The following LTF variants were observed in gnomAD, a reference collection of about 807,000 sequenced individuals.
LTF encodes the protein epididymis luminal protein 110.
Under a neutral mutation model 87.2 loss-of-function variants are expected in LTF, and 91 were observed. That is an observed-to-expected ratio of 1.04 (90% CI 0.88 to 1.24). The LOEUF is 1.24. LTF is among the 50% of genes most tolerant of loss of function. The probability of loss-of-function intolerance (pLI) is 0.00; values close to 1 mark genes in which losing one functional copy is unlikely to be tolerated. For missense variants in LTF, 901 were observed against 904.3 expected (o/e 1.00, Z 0.05); for synonymous variants, 378 against 356.1 (o/e 1.06, Z -0.69).
intron 1 of LTF, among the ~76,000 whole-genome samples, chr3:46,471,784 A>C (rs1703289913): frequency 6.6e-6 from 1 of 152,176 alleles, no homozygotes; most frequent in Non-Finnish European, 1.5e-5. Flanking sequence ...TACTTCTCCT[A>C]CTGAAAGGTC....
chr3:46,452,257 T>C (rs1323442261), intron 6 of LTF, among the ~76,000 whole-genome samples: 9 of 152,188 alleles, frequency 5.9e-5, no homozygotes, highest in Non-Finnish European at 1.3e-4. Flanking sequence ...TATAAGATGT[T>C]ACAATAGCAA....
chr3:46,439,264 T>C (rs759107460), intron 15 of LTF, 32 bp downstream of exon 15: 1 of 1,574,878 alleles, frequency 6.3e-7, no homozygotes, highest in East Asian at 2.2e-5. Context: ...CCCACACAGC[T>C]AAGAAAGCAC....
upstream of LTF, among the ~76,000 whole-genome samples, chr3:46,466,259 G>C (rs79655149): frequency 2.4e-4 from 37 of 152,082 alleles, no homozygotes; most frequent in East Asian, 7.2e-3. Flanking sequence ...AAAAAAAAAG[G>C]GTAACTAAGT....
Position 46,459,742 on chromosome 3 carries a change from A to T in LTF, c.121T>A (p.Trp41Arg). ...CGCACTTTTCTCATATTCCTTTGCC[A>T]TTGGAAGCATTTTGTGGCCTCGGGT... ...SQPEATKCFQ[W>R]QRNMRKVRGP... Residue 41 changes from tryptophan (W) to arginine (R), a missense_variant, in exon 2 of 17, where the codon TGG (tryptophan) becomes AGG (arginine). Physicochemically the swap from Trp to Arg is moderately radical, Grantham distance 101 (BLOSUM62 -3). Transcript: ENST00000231751. 1 of 1,582,706 alleles carries T rather than the reference A, an allele frequency of 6.3e-7. No individual in the cohort carries two copies. Among genetic ancestry groups the T allele is most frequent in the Non-Finnish European group, 8.6e-7 (1 of 1,168,072 alleles).
At chr3:46,455,172 G>A (rs1032576900) in intron 5 of LTF, 123 bp downstream of exon 5, 1 of 1,173,842 alleles carries the variant, frequency 8.5e-7, no homozygotes, top group Non-Finnish European at 1.2e-6. Flanking sequence ...ACAGCAGTAG[G>A]AGAACAGACC....
upstream of LTF, chr3:46,468,235 T>C (rs1040427793): frequency 8.8e-6 from 4 of 456,642 alleles, no homozygotes; most frequent in African/African-American, 2.0e-5. Context: ...CCTGTGTACA[T>C]GGACTCATTA....
At chr3:46,466,523 G>A (rs1434692341), upstream of LTF, among the ~76,000 whole-genome samples, 3 of 152,214 alleles carry the variant, frequency 2.0e-5, no homozygotes, top group African/African-American at 7.2e-5. Context: ...AAGGTGGAGA[G>A]GCCATTAAGG....
At position 46,459,719 on chromosome 3, in the gene LTF, C is replaced by G; in HGVS notation, c.144G>C (p.Val48=). The change falls in exon 2 of 17, where the codon GTG becomes GTC. Residue 48 remains valine (V), a synonymous_variant. Coordinates refer to ENST00000231751, the MANE Select transcript of LTF (RefSeq NM_002343.6). Reference sequence around the variant, plus strand: ...TTATGCAGCTGACAGGAGGGCCACGCACTTTTCTCATATTCCTTTGCCATT... The same window carrying G: ...TTATGCAGCTGACAGGAGGGCCACGGACTTTTCTCATATTCCTTTGCCATT... ...CFQWQRNMRK[V]RGPPVSCIKR... is the part of the protein sequence containing the mutation. 6.3e-7 allele frequency: 1 copy of G among 1,579,938 alleles called. No individual in the cohort carries two copies. Among genetic ancestry groups the G allele is most frequent in the Non-Finnish European group, 8.6e-7 (1 of 1,166,084 alleles).
chr3:46,469,961 C>T (rs1269693961), intron 2 of LTF, among the ~76,000 whole-genome samples: 1 of 152,154 alleles, frequency 6.6e-6, no homozygotes, highest in Non-Finnish European at 1.5e-5. Context: ...TCTTCCTCTT[C>T]CCTCCCCTCA....
chr3:46,482,051 T>C lies in LTF; in HGVS notation c.-320+2935A>G, dbSNP rs186916213. 1.9e-4 allele frequency among the ~76,000 whole-genome samples: 29 copies of C among 152,296 alleles called. No homozygotes were observed. The East Asian group carries it at 5.6e-3, about 29-fold the overall frequency. ...TCAATGACATAAGCATTTTTTTTCA[T>C]GAATCAGATAATAGTTTTTTGATAC... is the stretch of plus-strand genomic sequence containing the variant. On this transcript the variant is annotated intron_variant, in intron 1 of 19. Coordinates refer to the LTF transcript ENST00000443496.
chr3:46,454,094 C>T, intron 6 of LTF: 1 of 577,500 alleles, frequency 1.7e-6, no homozygotes, highest in Non-Finnish European at 3.1e-6. Context: ...GCATGGGTGT[C>T]TATGAGGGGA....
intron 1 of LTF, among the ~76,000 whole-genome samples, chr3:46,474,903 T>A (rs956193314): frequency 6.6e-6 from 1 of 152,138 alleles, no homozygotes; most frequent in African/African-American, 2.4e-5. Flanking sequence ...TACACTGAAC[T>A]TAATGAGAAT....
chr3:46,475,126 G>C (rs2106922402), intron 1 of LTF, among the ~76,000 whole-genome samples: 1 of 152,254 alleles, frequency 6.6e-6, no homozygotes, highest in Middle Eastern at 3.4e-3. Flanking sequence ...AAAGACAATG[G>C]AAGGATAACT....
At position 46,484,186 on chromosome 3, in the gene LTF, C is replaced by T. The variant is rs575049096; in HGVS notation, c.-320+800G>A. 5.8e-4 allele frequency among the ~76,000 whole-genome samples: 88 copies of T among 152,228 alleles called. 1 individual carries two copies. Among genetic ancestry groups the T allele is most frequent in the South Asian group, 4.1e-4 (2 of 4,820 alleles). On this transcript the variant is annotated intron_variant, in intron 1 of 19. Transcript: ENST00000443496. ...CGGAGAAGACAAGAGCATGGAAATT[C>T]GTAAATGGACAATAGTCATGATTAC...
Position 46,449,027 on chromosome 3 carries a change from G to A in LTF, c.1058-10C>T, listed in dbSNP as rs779992946. On this transcript the variant is annotated splice_polypyrimidine_tract_variant and intron_variant, in intron 8 of 16. Transcript: ENST00000231751. ...GCCACTTCCTCCTCACCTGCCAGAG[G>A]GAAGACCGCAGGTGGCTGGGCAACC... The A allele has an allele frequency of 1.2e-6, 2 of 1,601,848 alleles. No homozygotes were observed. The highest frequency in any genetic ancestry group is 1.7e-6 in the Non-Finnish European group (2 of 1,175,026).
chr3:46,456,244 A>G, intron 3 of LTF, 46 bp downstream of exon 3: 1 of 1,500,164 alleles, frequency 6.7e-7, no homozygotes, highest in Non-Finnish European at 9.3e-7. Context: ...AGCTCAGGGC[A>G]CAGGCTGAGG....
chr3:46,449,725 C>T, intron 8 of LTF, 129 bp downstream of exon 8: 1 of 946,674 alleles, frequency 1.1e-6, no homozygotes, highest in Non-Finnish European at 1.6e-6. Flanking sequence ...GACACTCACA[C>T]CTGCATCAAA....
In LTF at chr3:46,472,535, A is replaced by T. The variant is rs1022688367; in HGVS notation, c.-319-2069T>A. ...GTGTGTGTGTGTGTGTGTGAGAGAG[A>T]GAGAGAGAGAGAGAGAGAGAAGTTC... On this transcript the variant is annotated intron_variant, in intron 1 of 19. Coordinates refer to the LTF transcript ENST00000443496. Among the ~76,000 whole-genome samples the T allele has an allele frequency of 2.6e-3, 312 of 118,042 alleles. 1 individual carries two copies. Among genetic ancestry groups the T allele is most frequent in the African/African-American group, 8.6e-3 (252 of 29,374 alleles). The allele number at this position is 118,042 out of a possible 152,430, so 77.4% of individuals were successfully genotyped here. A position where few individuals can be genotyped will look rare whatever the true frequency, so the allele number is the denominator to read the frequency against.
At chr3:46,465,407 A>T (rs1284526175), upstream of LTF, among the ~76,000 whole-genome samples, 1 of 152,184 alleles carries the variant, frequency 6.6e-6, no homozygotes, top group Non-Finnish European at 1.5e-5. Flanking sequence ...GGGACAGCTG[A>T]CAGAGAAAAG....
Sources: allele counts gnomAD v4.1 joint callset (sites outside exome capture counted in the v4.1 genomes callset), GRCh38; gene constraint gnomAD v4.1.1; transcripts MANE v1.5; gene names NCBI Gene and HGNC (gene_info 2026-07-23, HGNC 2026-07-21).